Variants in TLE4 observed in about 807,000 individuals in gnomAD.
TLE4 encodes TLE family member 4, transcriptional corepressor, also known as transducin-like enhancer protein 4.
In TLE4, 8 loss-of-function variants were observed where a neutral mutation model predicts 92.8. The ratio of observed to expected loss-of-function variants is 0.09; its 90% CI spans 0.05 to 0.16. The LOEUF (loss-of-function observed/expected upper bound fraction) is 0.16. Among genes scored for constraint, TLE4 ranks in the 10% least tolerant of loss-of-function variants. The pLI is 1.00. For missense variants in TLE4, 675 were observed against 997.6 expected (o/e 0.68, Z 4.36); for synonymous variants, 371 against 374.1 (o/e 0.99, Z 0.10).
chr9:79,575,401 G>C (rs2037426852), intron 3 of TLE4, among the ~76,000 whole-genome samples: 1 of 152,098 alleles, frequency 6.6e-6, no homozygotes, highest in African/African-American at 2.4e-5. Flanking sequence ...GATAAGGAAA[G>C]ACAGCAGACC....
chr9:79,719,807 G>A (rs2075271960), intron 15 of TLE4, among the ~76,000 whole-genome samples: 1 of 152,148 alleles, frequency 6.6e-6, no homozygotes, highest in Non-Finnish European at 1.5e-5. Flanking sequence ...TGGGTCTAGA[G>A]CTTTGCATTT....
intron 14 of TLE4, among the ~76,000 whole-genome samples, chr9:79,710,568 C>T (rs1046294231): frequency 2.0e-5 from 3 of 152,190 alleles, no homozygotes; most frequent in African/African-American, 7.2e-5. Context: ...TCAGTAGCAG[C>T]TCAAGGCGCC....
intron 4 of TLE4, among the ~76,000 whole-genome samples, chr9:79,606,611 G>A (rs971801316): frequency 2.0e-5 from 3 of 151,964 alleles, no homozygotes; most frequent in Non-Finnish European, 4.4e-5. Context: ...CCACCTATGA[G>A]TGAGAACATG....
At chr9:79,606,547 C>T (rs565314465) in intron 4 of TLE4, among the ~76,000 whole-genome samples, 60 of 151,966 alleles carry the variant, frequency 3.9e-4, no homozygotes, top group African/African-American at 1.4e-3. Context: ...CCCCAACAGG[C>T]CCTGATGTGT....
At position 79,725,121 on chromosome 9, in the gene TLE4, A is replaced by T; in HGVS notation, c.2299A>T (p.Thr767Ser). The T allele has an allele frequency of 6.2e-7, 1 of 1,613,760 alleles. No homozygotes were observed. Among genetic ancestry groups the T allele is most frequent in the Middle Eastern group, 1.7e-4 (1 of 6,060 alleles). Reference protein sequence around the residue: ...IVTGSGDKKATVYEVIY With the variant: ...IVTGSGDKKASVYEVIY ...CACTGGCTCTGGGGATAAGAAGGCC[A>T]CAGTTTATGAAGTTATTTATTAAAG... Residue 767 changes from threonine to serine, a missense_variant, in exon 20 of 20, where the codon ACA becomes TCA. By Grantham distance (58) the Thr-to-Ser change is moderately conservative (BLOSUM62 1). This residue lies in a region of TLE4 where 170 missense variants were observed against 359.6 expected (regional missense o/e 0.47). Coordinates refer to ENST00000376552, the MANE Select transcript of TLE4 (RefSeq NM_007005.6).
At chr9:79,575,583 T>G (rs1156755809) in intron 3 of TLE4, among the ~76,000 whole-genome samples, 1 of 152,214 alleles carries the variant, frequency 6.6e-6, no homozygotes, top group Non-Finnish European at 1.5e-5. Context: ...AGATCTGCTT[T>G]TACAGAAGTA....
chr9:79,627,362 C>A lies in TLE4; in HGVS notation c.316-12C>A. 1 of 1,613,894 alleles carries A rather than the reference C, an allele frequency of 6.2e-7. No homozygotes were observed. The highest frequency in any genetic ancestry group is 8.5e-7 in the Non-Finnish European group (1 of 1,179,824). ...CAAATAATTGTATTCTGTTTCTGATCTTCATTTATAGCACCAGCAACAAGT... is the reference window on the plus strand; with the variant it reads ...CAAATAATTGTATTCTGTTTCTGATATTCATTTATAGCACCAGCAACAAGT... On this transcript the variant is annotated splice_polypyrimidine_tract_variant and intron_variant, in intron 5 of 19. Coordinates refer to ENST00000376552, the MANE Select transcript of TLE4 (RefSeq NM_007005.6).
chr9:79,599,166 G>T (rs2044896288), intron 4 of TLE4, among the ~76,000 whole-genome samples: 1 of 152,130 alleles, frequency 6.6e-6, no homozygotes, highest in African/African-American at 2.4e-5. Flanking sequence ...AACTTTCCTA[G>T]GAATTGACCT....
chr9:79,634,062 T>C (rs2055064592), intron 6 of TLE4, among the ~76,000 whole-genome samples: 1 of 152,218 alleles, frequency 6.6e-6, no homozygotes, highest in South Asian at 2.1e-4. Context: ...TTAGAACTCT[T>C]TAGTGAATAG....
intron 6 of TLE4, among the ~76,000 whole-genome samples, chr9:79,631,106 A>G (rs1197486335): frequency 3.9e-5 from 6 of 152,226 alleles, no homozygotes; most frequent in African/African-American, 1.4e-4. Context: ...CTGAACCTCA[A>G]TTTTTAGCAG....
chr9:79,605,047 G>A (rs1199579432), intron 4 of TLE4, among the ~76,000 whole-genome samples: 1 of 152,034 alleles, frequency 6.6e-6, no homozygotes, highest in Non-Finnish European at 1.5e-5. Context: ...GAGGGAGAGA[G>A]AAGAGAAATA....
chr9:79,615,235 T>C (rs893383801), intron 5 of TLE4, among the ~76,000 whole-genome samples: 2 of 152,110 alleles, frequency 1.3e-5, no homozygotes, highest in African/African-American at 4.8e-5. Context: ...TTCTGTTTCC[T>C]GTCTCTTCAG....
intron 4 of TLE4, among the ~76,000 whole-genome samples, chr9:79,579,074 C>T (rs992718658): frequency 2.6e-5 from 4 of 152,166 alleles, no homozygotes; most frequent in Non-Finnish European, 2.9e-5. Flanking sequence ...TTTAGTGTGA[C>T]GTCTTCAAAA....
intron 8 of TLE4, among the ~76,000 whole-genome samples, chr9:79,685,748 A>AT (rs2065710382): frequency 6.6e-6 from 1 of 152,206 alleles, no homozygotes; most frequent in South Asian, 2.1e-4. Flanking sequence ...ACTTGGCAGG[A>AT]TATTAGTATG....
intron 8 of TLE4, among the ~76,000 whole-genome samples, chr9:79,689,381 A>G (rs1473708289): frequency 6.6e-6 from 1 of 152,080 alleles, no homozygotes; most frequent in Non-Finnish European, 1.5e-5. Flanking sequence ...TGTAATTCAA[A>G]TAAGCAATTA....
At chr9:79,630,295 C>T (rs1415180437) in intron 6 of TLE4, among the ~76,000 whole-genome samples, 4 of 152,056 alleles carry the variant, frequency 2.6e-5, no homozygotes, top group East Asian at 3.9e-4. Context: ...TCTGGAGAGG[C>T]GGCTGTTCTC....
At chr9:79,672,727 G>C (rs2062613697) in intron 8 of TLE4, among the ~76,000 whole-genome samples, 1 of 152,076 alleles carries the variant, frequency 6.6e-6, no homozygotes, top group Admixed American at 6.5e-5. Context: ...TTTGGAATTT[G>C]ATTTAAGAGG....
chr9:79,666,018 A>G (rs892887972), intron 8 of TLE4, among the ~76,000 whole-genome samples: 2 of 152,090 alleles, frequency 1.3e-5, no homozygotes, highest in African/African-American at 4.8e-5. Context: ...TGAAAGCACA[A>G]TTTTTTATGC....
intron 4 of TLE4, among the ~76,000 whole-genome samples, chr9:79,596,896 T>C (rs1421544197): frequency 2.0e-5 from 3 of 152,332 alleles, no homozygotes; most frequent in Non-Finnish European, 4.4e-5. Flanking sequence ...AGAGTCACAC[T>C]AGGATTTGGG....
Sources: allele counts gnomAD v4.1 joint callset (sites outside exome capture counted in the v4.1 genomes callset), GRCh38; gene constraint gnomAD v4.1.1; regional missense constraint gnomAD v4.1.1; transcripts MANE v1.5; gene names NCBI Gene and HGNC (gene_info 2026-07-23, HGNC 2026-07-21).